The following RIMS1 variants were observed in gnomAD, a reference collection of about 807,000 sequenced individuals.
RIMS1 encodes regulating synaptic membrane exocytosis 1.
RIMS1 carries 83 observed loss-of-function variants against 214.1 expected under a neutral mutation model. The ratio of observed to expected loss-of-function variants is 0.39; its 90% CI spans 0.32 to 0.47. The LOEUF is 0.47. Among genes scored for constraint, RIMS1 ranks in the 20% least tolerant of loss-of-function variants. The probability of loss-of-function intolerance (pLI) is 0.99; values close to 1 mark genes in which losing one functional copy is unlikely to be tolerated. For synonymous variants in RIMS1, 793 were observed against 786.8 expected (o/e 1.01, Z -0.13); for missense variants, 2,050 against 2,161.8 (o/e 0.95, Z 1.03).
At chr6:72,153,069 G>GTA (rs1388439660) in intron 4 of RIMS1, among the ~76,000 whole-genome samples, 2 of 139,080 alleles carry the variant, frequency 1.4e-5, no homozygotes, top group South Asian at 2.2e-4. Context: ...TATTCCCTAT[G>GTA]TATATATATG....
At chr6:71,945,742 T>G (rs769690174) in intron 1 of RIMS1, among the ~76,000 whole-genome samples, 2 of 126,142 alleles carry the variant, frequency 1.6e-5, no homozygotes, top group East Asian at 5.2e-4. Flanking sequence ...TGTTTGCAGA[T>G]GATGTAATCT....
At chr6:71,904,574 T>C (rs1774707481) in intron 1 of RIMS1, among the ~76,000 whole-genome samples, 1 of 152,080 alleles carries the variant, frequency 6.6e-6, no homozygotes. Context: ...AGCCTCGCAA[T>C]GGACATCTGG....
At chr6:72,114,113 T>A (rs1253425090) in intron 4 of RIMS1, among the ~76,000 whole-genome samples, 1 of 152,064 alleles carries the variant, frequency 6.6e-6, no homozygotes, top group Non-Finnish European at 1.5e-5. Context: ...AGCTACTTTG[T>A]CATTGGTGAA....
At chr6:72,260,873 A>T in intron 19 of RIMS1, 106 bp downstream of exon 19, 1 of 1,540,160 alleles carries the variant, frequency 6.5e-7, no homozygotes, top group African/African-American at 1.4e-5. Context: ...AAGTCAAATA[A>T]ATTTCCCAAG....
At chr6:72,077,553 G>A (rs1832235941) in intron 2 of RIMS1, among the ~76,000 whole-genome samples, 2 of 152,166 alleles carry the variant, frequency 1.3e-5, no homozygotes, top group African/African-American at 4.8e-5. Context: ...TCACACTTAG[G>A]TCTTCTTACT....
chr6:71,964,498 A>G (rs916628243), intron 1 of RIMS1, among the ~76,000 whole-genome samples: 1 of 152,218 alleles, frequency 6.6e-6, no homozygotes, highest in Non-Finnish European at 1.5e-5. Flanking sequence ...ACAGGGTGGC[A>G]ATAGTGGAGG....
rs192892038 is a variant in RIMS1, at chr6:71,965,780, G to A, written c.165-3203G>A. Reference sequence around the variant, plus strand: ...ATTAAAGACTTTGCAAAAAATAAGAGGTCAAACTCTTTGAATTCCTAGTCC... The same window carrying A: ...ATTAAAGACTTTGCAAAAAATAAGAAGTCAAACTCTTTGAATTCCTAGTCC... On this transcript the variant is annotated intron_variant, in intron 1 of 33. Coordinates refer to ENST00000521978, the MANE Select transcript of RIMS1 (RefSeq NM_014989.7). Among the ~76,000 whole-genome samples the A allele has an allele frequency of 4.2e-3, 635 of 152,250 alleles. 1 individual carries two copies. The highest frequency in any genetic ancestry group is 6.0e-3 in the Non-Finnish European group (409 of 68,006).
At chr6:72,337,877 G>T (rs2096900851) in intron 29 of RIMS1, among the ~76,000 whole-genome samples, 3 of 151,404 alleles carry the variant, frequency 2.0e-5, no homozygotes. Flanking sequence ...TGCTGAGAAT[G>T]ATGGTTTCCA....
intron 2 of RIMS1, among the ~76,000 whole-genome samples, chr6:72,077,245 C>G (rs558465745): frequency 1.6e-4 from 25 of 152,352 alleles, no homozygotes; most frequent in Middle Eastern, 3.4e-3. Flanking sequence ...GTATGTTTCT[C>G]TCTTTTATTT....
Position 71,955,894 on chromosome 6 carries a change from A to G in RIMS1, c.165-13089A>G, listed in dbSNP as rs540263055. Among the ~76,000 whole-genome samples, 11 of 152,236 alleles carry G rather than the reference A, an allele frequency of 7.2e-5. No homozygotes were observed. The East Asian group carries it at 2.1e-3, about 29-fold the overall frequency. On this transcript the variant is annotated intron_variant, in intron 1 of 33. Transcript: ENST00000521978. ...ATTTTGAGTTACATAGCAACAAACT[A>G]TGGGTGATTTGAATTGATAAAGACA...
chr6:72,330,942 A>AT, intron 28 of RIMS1, among the ~76,000 whole-genome samples: 1 of 151,328 alleles, frequency 6.6e-6, no homozygotes, highest in Non-Finnish European at 1.5e-5. Context: ...CTGGACATAT[A>AT]TTTTTTGAGA....
intron 6 of RIMS1, among the ~76,000 whole-genome samples, chr6:72,200,970 AG>A (rs1320058797): frequency 6.6e-6 from 1 of 151,856 alleles, no homozygotes; most frequent in Non-Finnish European, 1.5e-5. Context: ...TCATGGTGAG[AG>A]GCTGGATTTT....
chr6:72,250,984 T>C lies in RIMS1; in HGVS notation c.2436T>C (p.Thr812=). Residue 812 remains threonine, a synonymous_variant, in exon 14 of 34, where the codon ACT becomes ACC. Transcript: ENST00000521978. ...KKILEPKWNQ[T]FVYSHVHRRD... ...TACTAGAACCAAAATGGAATCAAACTTTTGTCTATTCACATGTACATCGTA... is the reference window on the plus strand; with the variant it reads ...TACTAGAACCAAAATGGAATCAAACCTTTGTCTATTCACATGTACATCGTA... 6.4e-7 allele frequency: 1 copy of C among 1,553,646 alleles called. No individual in the cohort carries two copies. Among genetic ancestry groups the C allele is most frequent in the Non-Finnish European group, 8.7e-7 (1 of 1,148,836 alleles).
chr6:72,283,765 T>G (rs1334421619), intron 23 of RIMS1, among the ~76,000 whole-genome samples: 2 of 152,192 alleles, frequency 1.3e-5, no homozygotes, highest in Non-Finnish European at 2.9e-5. Context: ...TAGGGGTTCA[T>G]ATTAGATCAT....
chr6:71,943,417 C>A (rs1583165424), intron 1 of RIMS1, among the ~76,000 whole-genome samples: 1 of 152,128 alleles, frequency 6.6e-6, no homozygotes, highest in East Asian at 1.9e-4. Context: ...AAAGACTCAT[C>A]ATTCTGAGTG....
intron 2 of RIMS1, among the ~76,000 whole-genome samples, chr6:72,086,121 C>T (rs1467752692): frequency 6.6e-6 from 1 of 152,114 alleles, no homozygotes; most frequent in East Asian, 1.9e-4. Flanking sequence ...TAGTGATGAA[C>T]CCCAAGTCCT....
intron 1 of RIMS1, among the ~76,000 whole-genome samples, chr6:71,908,097 G>A (rs1775792011): frequency 6.6e-6 from 1 of 152,150 alleles, no homozygotes; most frequent in South Asian, 2.1e-4. Context: ...ACCAAGGCTG[G>A]TCCTGGGCCC....
rs544179490 is a variant in RIMS1, at chr6:72,322,771, G to A, written c.4130+9099G>A. Among the ~76,000 whole-genome samples, 22 of 152,194 alleles carry A rather than the reference G, an allele frequency of 1.4e-4. 1 individual carries two copies. The highest frequency in any genetic ancestry group is 6.2e-4 in the South Asian group (3 of 4,820). On this transcript the variant is annotated intron_variant, in intron 28 of 33. Coordinates refer to ENST00000521978, the MANE Select transcript of RIMS1 (RefSeq NM_014989.7). ...TTTGGTGACATAGGATAATAGAGCC[G>A]TAAGCAGAGAGCAGTGTTCTTACTT...
At chr6:72,342,309 G>A (rs576911175) in intron 29 of RIMS1, among the ~76,000 whole-genome samples, 19 of 151,544 alleles carry the variant, frequency 1.3e-4, no homozygotes, top group African/African-American at 4.4e-4. Context: ...GATTTAGCAC[G>A]CAGTTCTTGT....
Sources: allele counts gnomAD v4.1 joint callset (sites outside exome capture counted in the v4.1 genomes callset), GRCh38; gene constraint gnomAD v4.1.1; transcripts MANE v1.5; gene names NCBI Gene and HGNC (gene_info 2026-07-23, HGNC 2026-07-21).